Variants in ALK observed in about 807,000 individuals in gnomAD.
ALK encodes the protein ALK tyrosine kinase receptor.
Under a neutral mutation model 163.1 loss-of-function variants are expected in ALK, and 74 were observed. That is an observed-to-expected ratio of 0.45 (90% CI 0.38 to 0.55). The LOEUF (loss-of-function observed/expected upper bound fraction) is 0.55, where lower values mean the gene tolerates loss of function less well. Ranked by LOEUF, ALK falls within the 20% of genes least tolerant of loss-of-function variation. The pLI, the probability that ALK is intolerant of heterozygous loss-of-function variation, is 0.00. For synonymous variants in ALK, 960 were observed against 843.2 expected (o/e 1.14, Z -2.40); for missense variants, 2,063 against 2,105.3 (o/e 0.98, Z 0.39).
intron 6 of ALK, among the ~76,000 whole-genome samples, chr2:29,327,363 G>C (rs141049064): frequency 7.2e-4 from 109 of 152,314 alleles, no homozygotes; most frequent in African/African-American, 2.4e-3. Flanking sequence ...CACCCACAGA[G>C]AGGAAGAGAG....
rs182751045 is a variant in ALK, at chr2:29,720,075, A to C, written c.668-2378T>G. Among the ~76,000 whole-genome samples the C allele has an allele frequency of 2.6e-3, 392 of 152,086 alleles. 1 individual carries two copies. The highest frequency in any genetic ancestry group is 9.0e-3 in the African/African-American group (372 of 41,498). ...TTCTGAACCATTCAGTTTGGGAATG[A>C]TATTAACTTCTTCCTGGATGTGAGG... On this transcript the variant is annotated intron_variant, in intron 1 of 28. Transcript: ENST00000389048.
chr2:29,496,305 C>A (rs1672021320), intron 4 of ALK, among the ~76,000 whole-genome samples: 1 of 152,196 alleles, frequency 6.6e-6, no homozygotes. Context: ...AATGTACTGC[C>A]TTTCCTCCAC....
At chr2:29,432,377 C>T (rs1670292575) in intron 4 of ALK, among the ~76,000 whole-genome samples, 2 of 152,080 alleles carry the variant, frequency 1.3e-5, no homozygotes, top group African/African-American at 2.4e-5. Context: ...TACGCAGGCT[C>T]CCCCGCCCCT....
At chr2:29,849,083 C>T (rs1417785532) in intron 1 of ALK, among the ~76,000 whole-genome samples, 1 of 152,088 alleles carries the variant, frequency 6.6e-6, no homozygotes, top group African/African-American at 2.4e-5. Context: ...CTCGAGCTGC[C>T]CCCCATCTCA....
In ALK at chr2:29,514,646, C is replaced by A. The variant is rs1350023947; in HGVS notation, c.1154+17269G>T. On this transcript the variant is annotated intron_variant, in intron 4 of 28. Transcript: ENST00000389048. ...CAACATCTCAAAACTGAAGTTTGTA[C>A]TTTTCTCTCCACACATGTGCCTCCG... Among the ~76,000 whole-genome samples the A allele has an allele frequency of 2.0e-5, 3 of 152,186 alleles. No homozygotes were observed. The East Asian group carries it at 5.8e-4, about 29-fold the overall frequency.
At chr2:29,316,054 G>C (rs1364253431) in intron 8 of ALK, among the ~76,000 whole-genome samples, 1 of 152,200 alleles carries the variant, frequency 6.6e-6, no homozygotes. Flanking sequence ...GTCCCCCAGA[G>C]AAATGCAATA....
intron 7 of ALK, among the ~76,000 whole-genome samples, chr2:29,320,020 A>G (rs760744208): frequency 6.6e-6 from 1 of 152,252 alleles, no homozygotes; most frequent in African/African-American, 2.4e-5. Flanking sequence ...GACAGCCCCC[A>G]AGGCTGGCTA....
chr2:29,529,315 G>T (rs1291967682), intron 4 of ALK, among the ~76,000 whole-genome samples: 1 of 152,056 alleles, frequency 6.6e-6, no homozygotes, highest in African/African-American at 2.4e-5. Context: ...CCAAATAGTG[G>T]TCCCCAAACC....
intron 4 of ALK, among the ~76,000 whole-genome samples, chr2:29,524,386 G>A (rs771753527): frequency 1.3e-5 from 2 of 152,202 alleles, no homozygotes; most frequent in African/African-American, 2.4e-5. Context: ...GGAGCCAGGC[G>A]TGACGCCAAG....
At chr2:29,550,976 C>T (rs781617005) in intron 3 of ALK, among the ~76,000 whole-genome samples, 4 of 152,134 alleles carry the variant, frequency 2.6e-5, no homozygotes, top group Non-Finnish European at 4.4e-5. Context: ...AATAACTGGA[C>T]ATCACATTTA....
intron 4 of ALK, among the ~76,000 whole-genome samples, chr2:29,445,739 T>G (rs1670658044): frequency 6.6e-6 from 1 of 151,222 alleles, no homozygotes; most frequent in Non-Finnish European, 1.5e-5. Context: ...GTAGAATCAC[T>G]TGAAACGGGG....
intron 9 of ALK, among the ~76,000 whole-genome samples, chr2:29,283,540 C>G (rs1665768505): frequency 6.6e-6 from 1 of 152,092 alleles, no homozygotes; most frequent in African/African-American, 2.4e-5. Flanking sequence ...TGGTTTCTAC[C>G]TCTCTTCTCG....
chr2:29,550,175 C>T (rs1461456900), intron 3 of ALK, among the ~76,000 whole-genome samples: 2 of 152,174 alleles, frequency 1.3e-5, no homozygotes, highest in Admixed American at 6.5e-5. Flanking sequence ...AATATGTTAA[C>T]ATTTTGCAAG....
chr2:29,669,233 C>A (rs1489825320), intron 3 of ALK, among the ~76,000 whole-genome samples: 1 of 152,022 alleles, frequency 6.6e-6, no homozygotes. Context: ...TAGTCTATCT[C>A]TCCCTTTAGA....
chr2:29,566,888 A>T (rs1229495323), intron 3 of ALK, among the ~76,000 whole-genome samples: 1 of 152,178 alleles, frequency 6.6e-6, no homozygotes, highest in East Asian at 1.9e-4. Context: ...ATGCAATATG[A>T]TATATAAACC....
At chr2:29,274,927 G>A (rs1396751113) in intron 11 of ALK, among the ~76,000 whole-genome samples, 172 bp downstream of exon 11, 2 of 152,214 alleles carry the variant, frequency 1.3e-5, no homozygotes, top group African/African-American at 4.8e-5. Flanking sequence ...CAGGCAATAT[G>A]AGAACCAGAC....
chr2:29,771,769 C>T (rs1211310473), intron 1 of ALK, among the ~76,000 whole-genome samples: 2 of 151,892 alleles, frequency 1.3e-5, no homozygotes, highest in Non-Finnish European at 1.5e-5. Context: ...TGCCTGACCT[C>T]GTGATCCGCC....
rs182744174 is a variant in ALK, at chr2:29,392,311, G to A, written c.1155-8452C>T. 1.6e-3 allele frequency among the ~76,000 whole-genome samples: 239 copies of A among 152,332 alleles called. 2 individuals are homozygous for A. The highest frequency in any genetic ancestry group is 5.5e-3 in the African/African-American group (228 of 41,584). ...TGGTTCATGTAGTAAGTACTAGGAG[G>A]CAACGTGAACCCAAGACTATCTTCA... On this transcript the variant is annotated intron_variant, in intron 4 of 28. Coordinates refer to ENST00000389048, the MANE Select transcript of ALK (RefSeq NM_004304.5).
At chr2:29,614,926 C>T (rs569706968) in intron 3 of ALK, among the ~76,000 whole-genome samples, 8 of 152,272 alleles carry the variant, frequency 5.3e-5, no homozygotes, top group Middle Eastern at 3.4e-3. Flanking sequence ...TGCAGTCATC[C>T]GGAATAAACT....
Sources: gnomAD v4.1 joint callset for allele counts (sites outside exome capture counted in the v4.1 genomes callset) on GRCh38, gnomAD v4.1.1 for gene constraint, MANE v1.5 for transcripts, NCBI Gene and HGNC (gene_info 2026-07-23, HGNC 2026-07-21) for gene names.